ANKRD11: variants seen among roughly 807,000 people sequenced by gnomAD.
ANKRD11 encodes the protein ankyrin repeat domain 11, also known as ankyrin repeat domain-containing protein 11.
ANKRD11 carries 17 observed loss-of-function variants against 195.7 expected under a neutral mutation model. That is an observed-to-expected ratio of 0.09 (90% CI 0.06 to 0.13). The LOEUF is 0.13. Among genes scored for constraint, ANKRD11 ranks in the 10% least tolerant of loss-of-function variants. The pLI, the probability that ANKRD11 is intolerant of heterozygous loss-of-function variation, is 1.00. For synonymous variants in ANKRD11, 1,953 were observed against 1,528.1 expected (o/e 1.28, Z -6.49); for missense variants, 3,735 against 3,566.1 (o/e 1.05, Z -1.21).
chr16:89,384,474 G>A (rs893470499), intron 2 of ANKRD11, among the ~76,000 whole-genome samples: 2 of 152,036 alleles, frequency 1.3e-5, no homozygotes, highest in Non-Finnish European at 2.9e-5. Flanking sequence ...GACAGGACAA[G>A]ATGGGAATGG....
chr16:89,268,687 G>A, intron 12 of ANKRD11, 24 bp from the exon 13 acceptor site: 7 of 1,565,740 alleles, frequency 4.5e-6, no homozygotes, highest in African/African-American at 4.0e-5. Context: ...AGCGGGGAGA[G>A]GAGGGAGGAG....
chr16:89,456,502 C>G (rs2056443086), intron 1 of ANKRD11, among the ~76,000 whole-genome samples: 2 of 149,752 alleles, frequency 1.3e-5, no homozygotes, highest in South Asian at 4.2e-4. Context: ...AAGCCGAGAT[C>G]ACGCCACTCC....
intron 1 of ANKRD11, among the ~76,000 whole-genome samples, chr16:89,421,203 C>T (rs1408867224): frequency 3.4e-5 from 3 of 88,074 alleles, no homozygotes; most frequent in African/African-American, 9.7e-5. Context: ...GGGTGAGACA[C>T]GAAGGGTCGG....
chr16:89,480,423 G>A lies in ANKRD11; in HGVS notation c.-145+9822C>T, dbSNP rs184986795. Among the ~76,000 whole-genome samples, 1,305 of 151,072 alleles carry A rather than the reference G, an allele frequency of 8.6e-3. 20 individuals carry two copies. The highest frequency in any genetic ancestry group is 0.03 in the African/African-American group (1,218 of 41,068). ...ACCCAGGAGGCGGAGGTTGCAGTGA[G>A]CCGAGATCACACCACTGCACTCCAG... On this transcript the variant is annotated intron_variant, in intron 1 of 12. Transcript: ENST00000301030.
chr16:89,452,500 T>C (rs2353581), intron 1 of ANKRD11, among the ~76,000 whole-genome samples: 70,888 of 151,586 alleles, frequency 0.47, 17,272 homozygotes, highest in Middle Eastern at 0.66. Context: ...GCTGTTTACT[T>C]TTTTTTTAAT....
chr16:89,464,110 G>A (rs923961646), intron 1 of ANKRD11, among the ~76,000 whole-genome samples: 1 of 151,848 alleles, frequency 6.6e-6, no homozygotes, highest in Non-Finnish European at 1.5e-5. Context: ...ATGGTGGCGG[G>A]CGCCTGTAGT....
intron 1 of ANKRD11, among the ~76,000 whole-genome samples, chr16:89,439,675 TCACACACAACACCAAAGGTGTTCTCAG>T (rs1366957651): frequency 6.6e-6 from 1 of 152,100 alleles, no homozygotes; most frequent in Non-Finnish European, 1.5e-5. Flanking sequence ...TCTACACCAC[TCACACACAACACCAAAGGTGTTCTCAG>T]CACACCTCCA....
chr16:89,270,747 T>C, intron 12 of ANKRD11, 70 bp downstream of exon 12: 1 of 1,492,580 alleles, frequency 6.7e-7, no homozygotes, highest in Non-Finnish European at 9.2e-7. Context: ...CAAAGGGGGT[T>C]GTCACCACCC....
At chr16:89,443,495 G>C (rs1476809366) in intron 1 of ANKRD11, 2 of 152,046 alleles carry the variant, frequency 1.3e-5, no homozygotes, top group Non-Finnish European at 2.9e-5. Context: ...AGAGACAAGA[G>C]ATACACAGGG....
At position 89,409,389 on chromosome 16, in the gene ANKRD11, C is replaced by A. The variant is rs2042031683; in HGVS notation, c.-60+8895G>T. 2.0e-5 allele frequency among the ~76,000 whole-genome samples: 3 copies of A among 152,222 alleles called. No homozygotes were observed. In the South Asian group the frequency reaches 6.2e-4, roughly 32 times the overall value. On this transcript the variant is annotated intron_variant, in intron 2 of 12. Coordinates refer to ENST00000301030, the MANE Select transcript of ANKRD11 (RefSeq NM_013275.6). ...GGTGGGGTGGGAAGGCGGTCCCCAT[C>A]CTCAGGCCATTCTTCCTCCGTGGGT...
Position 89,279,595 on chromosome 16 carries a change from T to A in ANKRD11, c.6947A>T (p.Glu2316Val). Residue 2316 changes from glutamate to valine, a missense_variant, in exon 9 of 13, where the codon GAA (glutamate) becomes GTA (valine). By Grantham distance (121) the Glu-to-Val change is moderately radical. Transcript: ENST00000301030. This position sits in a 1 kb window ranked among gnomAD's most constrained non-coding sequence, Gnocchi z 5.6. ...CGGGGCTTCGGCCGTGGGTTTTGGT[T>A]CTGCGGCTTCCGGCTGGATGCCGCC... ...PPGGIQPEAAEPKPTAEAPKA... is the reference protein window; with the variant it reads ...PPGGIQPEAAVPKPTAEAPKA... The A allele has an allele frequency of 6.9e-7, 1 of 1,447,424 alleles. No homozygotes were observed. The highest frequency in any genetic ancestry group is 1.4e-5 in the African/African-American group (1 of 70,284). The allele number at this position is 1,447,424 out of a possible 1,614,324, so 89.7% of individuals were successfully genotyped here. A position where few individuals can be genotyped will look rare whatever the true frequency, so the allele number is the denominator to read the frequency against.
At chr16:89,317,350 G>A (rs984248543) in intron 2 of ANKRD11, among the ~76,000 whole-genome samples, 3 of 152,246 alleles carry the variant, frequency 2.0e-5, no homozygotes, top group Non-Finnish European at 4.4e-5. Flanking sequence ...GGCCTAGGGT[G>A]TGGCTGTGTT....
intron 2 of ANKRD11, among the ~76,000 whole-genome samples, chr16:89,371,619 T>G (rs2040197072): frequency 6.6e-6 from 1 of 152,144 alleles, no homozygotes; most frequent in South Asian, 2.1e-4. Flanking sequence ...GTGCACTCCC[T>G]GCCCACATGA....
At chr16:89,450,685 C>G (rs910595992) in intron 1 of ANKRD11, among the ~76,000 whole-genome samples, 1 of 152,166 alleles carries the variant, frequency 6.6e-6, no homozygotes, top group Non-Finnish European at 1.5e-5. Flanking sequence ...CAGAGAGAGA[C>G]AGGGTCTCAC....
chr16:89,329,308 C>G (rs80308365), intron 2 of ANKRD11, among the ~76,000 whole-genome samples: 7,545 of 152,186 alleles, frequency 0.05, 663 homozygotes, highest in African/African-American at 0.17. Flanking sequence ...ATGTCATGTT[C>G]CCGGCCACTG....
chr16:89,456,720 G>A (rs905466696), intron 1 of ANKRD11, among the ~76,000 whole-genome samples: 4 of 152,162 alleles, frequency 2.6e-5, no homozygotes, highest in Non-Finnish European at 4.4e-5. Context: ...GGACACTAAA[G>A]GCCATATATT....
chr16:89,453,404 T>G (rs2056281162), intron 1 of ANKRD11, among the ~76,000 whole-genome samples: 1 of 152,220 alleles, frequency 6.6e-6, no homozygotes, highest in Admixed American at 6.5e-5. Context: ...TCAAAATTTC[T>G]AATAGGAATT....
At chr16:89,393,275 A>G (rs895154509) in intron 2 of ANKRD11, among the ~76,000 whole-genome samples, 1 of 151,806 alleles carries the variant, frequency 6.6e-6, no homozygotes, top group African/African-American at 2.4e-5. Flanking sequence ...TGTACACATT[A>G]AACTTTAGTT....
Position 89,280,978 on chromosome 16 carries a change from T to C in ANKRD11, c.5564A>G (p.Tyr1855Cys), listed in dbSNP as rs1390029871. 18 of 1,571,072 alleles carry C rather than the reference T, an allele frequency of 1.1e-5. No individual in the cohort carries two copies. Among genetic ancestry groups the C allele is most frequent in the African/African-American group, 2.7e-5 (2 of 73,608 alleles). Residue 1855 changes from tyrosine (Y) to cysteine (C), a missense_variant, in exon 9 of 13, where the codon TAT (tyrosine) becomes TGT (cysteine). Physicochemically the swap from Tyr to Cys is radical, Grantham distance 194. Transcript: ENST00000301030. ...GTCGACTTTGGGCGACGGGAGGCCA[T>C]AGTCTGGGGAGTAGTACCCTGGCGA... ...CLSPGYYSPD[Y>C]GLPSPKVDAL... is the part of the protein sequence containing the mutation.
Sources: allele counts gnomAD v4.1 joint callset (sites outside exome capture counted in the v4.1 genomes callset), GRCh38; gene constraint gnomAD v4.1.1; non-coding constraint Gnocchi (gnomAD v3.1); transcripts MANE v1.5; gene names NCBI Gene and HGNC (gene_info 2026-07-23, HGNC 2026-07-21).